KCNK2: variants seen among roughly 807,000 people sequenced by gnomAD.
KCNK2 encodes potassium channel subfamily K member 2.
A neutral mutation model predicts 40.5 loss-of-function variants in KCNK2; 21 were observed. The observed-to-expected ratio is 0.52, with a 90% CI of 0.37 to 0.75. The LOEUF is 0.75. Ranked by LOEUF, KCNK2 falls within the 30% of genes least tolerant of loss-of-function variation. KCNK2 has a pLI of 0.00. For synonymous variants in KCNK2, 191 were observed against 202.2 expected, an observed-to-expected ratio of 0.94 and a Z score of 0.47; for missense variants, 399 against 531.6, an observed-to-expected ratio of 0.75 and a Z score of 2.45.
intron 3 of KCNK2, among the ~76,000 whole-genome samples, chr1:215,165,399 G>A (rs889922780): frequency 6.6e-6 from 1 of 152,080 alleles, no homozygotes; most frequent in Admixed American, 6.6e-5. Flanking sequence ...ATAAAGAATG[G>A]CATCTATAAT....
intron 3 of KCNK2, among the ~76,000 whole-genome samples, chr1:215,133,619 TTC>T (rs1661767049): frequency 6.9e-6 from 1 of 145,680 alleles, no homozygotes; most frequent in African/African-American, 2.8e-5. Context: ...TTCTTCCTAA[TTC>T]TTTTTTTTTT....
chr1:215,005,955 TGTGA>T lies in KCNK2; in HGVS notation c.34+3_34+6del, dbSNP rs778508659. The T allele has an allele frequency of 6.8e-6, 11 of 1,611,948 alleles. No individual in the cohort carries two copies. Among genetic ancestry groups the T allele is most frequent in the Non-Finnish European group, 9.3e-6 (11 of 1,178,180 alleles). On this transcript the variant is annotated splice_donor_variant and splice_donor_region_variant and intron_variant, in intron 1 of 6. Transcript: ENST00000391895. LOFTEE classifies it high-confidence loss of function. Reference sequence around the variant, plus strand: ...CCCACGAGCAAAAAGGGATTTCTACTGTGAGTATCTTTGCAATAATCAAGTACCT... The same window carrying T: ...CCCACGAGCAAAAAGGGATTTCTACTGTATCTTTGCAATAATCAAGTACCT...
intron 5 of KCNK2, among the ~76,000 whole-genome samples, chr1:215,182,379 T>A (rs980492433): frequency 2.0e-4 from 31 of 152,046 alleles, no homozygotes; most frequent in Non-Finnish European, 4.1e-4. Flanking sequence ...ATTGGGAAGC[T>A]TAGGCTGCTG....
chr1:215,224,100 G>T (rs1165906582), intron 6 of KCNK2, among the ~76,000 whole-genome samples: 1 of 152,138 alleles, frequency 6.6e-6, no homozygotes. Flanking sequence ...AAAATGAAAC[G>T]ATGTCTAATC....
At chr1:215,076,937 G>A (rs995040816) in intron 1 of KCNK2, among the ~76,000 whole-genome samples, 1 of 152,254 alleles carries the variant, frequency 6.6e-6, no homozygotes, top group Non-Finnish European at 1.5e-5. Flanking sequence ...GGTGTGGTTT[G>A]ACATGGAGGA....
intron 1 of KCNK2, among the ~76,000 whole-genome samples, chr1:215,010,295 C>G (rs548093458): frequency 6.6e-6 from 1 of 152,266 alleles, no homozygotes; most frequent in Non-Finnish European, 1.5e-5. Flanking sequence ...TTGCAATATT[C>G]TTTTAGTTCA....
At chr1:215,121,245 G>T (rs1271644672) in intron 2 of KCNK2, among the ~76,000 whole-genome samples, 1 of 152,042 alleles carries the variant, frequency 6.6e-6, no homozygotes, top group Non-Finnish European at 1.5e-5. Flanking sequence ...TTCAAAATGT[G>T]GTCCTCAAGA....
intron 6 of KCNK2, among the ~76,000 whole-genome samples, chr1:215,200,736 A>T (rs72735375): frequency 1.4e-4 from 22 of 152,296 alleles, no homozygotes; most frequent in Non-Finnish European, 3.2e-4. Flanking sequence ...TTTCAAACAT[A>T]TTTGGGGGAT....
At chr1:215,139,053 A>G (rs913466553) in intron 3 of KCNK2, among the ~76,000 whole-genome samples, 1 of 152,214 alleles carries the variant, frequency 6.6e-6, no homozygotes, top group Non-Finnish European at 1.5e-5. Context: ...AAAATAAAAT[A>G]CTATATGCTT....
chr1:215,201,717 C>A (rs898947512), intron 6 of KCNK2, among the ~76,000 whole-genome samples: 1 of 152,044 alleles, frequency 6.6e-6, no homozygotes. Context: ...GGGAGGATTG[C>A]GTAGGTGGTG....
Position 215,063,489 on chromosome 1 carries a change from C to G in KCNK2, c.35-22879C>G, listed in dbSNP as rs1167739702. On this transcript the variant is annotated intron_variant, in intron 1 of 6. Coordinates refer to the KCNK2 transcript ENST00000391895. Reference sequence around the variant, plus strand: ...TCTCCATGAATGCTTGCATTTTGGACTTTCTACTCAACATATCATGATTAC... The same window carrying G: ...TCTCCATGAATGCTTGCATTTTGGAGTTTCTACTCAACATATCATGATTAC... Among the ~76,000 whole-genome samples, 4 of 152,310 alleles carry G rather than the reference C, an allele frequency of 2.6e-5. No homozygotes were observed. The South Asian group carries it at 8.3e-4, about 32-fold the overall frequency.
intron 6 of KCNK2, among the ~76,000 whole-genome samples, chr1:215,230,431 A>T (rs1051453519): frequency 6.8e-6 from 1 of 146,894 alleles, no homozygotes; most frequent in Non-Finnish European, 1.5e-5. Context: ...TCACTGCTGT[A>T]TATGCAGACC....
intron 3 of KCNK2, among the ~76,000 whole-genome samples, chr1:215,155,863 T>C (rs1412895797): frequency 6.6e-6 from 1 of 152,200 alleles, no homozygotes; most frequent in East Asian, 1.9e-4. Context: ...ACACTGTATT[T>C]CACTAAGTTT....
chr1:215,025,887 G>A (rs1254749710), intron 1 of KCNK2, among the ~76,000 whole-genome samples: 1 of 152,010 alleles, frequency 6.6e-6, no homozygotes, highest in Non-Finnish European at 1.5e-5. Context: ...GGATTGCTTG[G>A]TCAAAAGGTT....
At chr1:215,193,606 A>G (rs894123158) in intron 5 of KCNK2, among the ~76,000 whole-genome samples, 17 of 152,046 alleles carry the variant, frequency 1.1e-4, no homozygotes, top group Non-Finnish European at 2.4e-4. Flanking sequence ...TATCTCAGAC[A>G]CAATAATTTC....
intron 6 of KCNK2, among the ~76,000 whole-genome samples, chr1:215,203,974 C>T (rs1009855804): frequency 1.4e-4 from 17 of 120,456 alleles, no homozygotes; most frequent in Middle Eastern, 0.016. Flanking sequence ...GGAGGTGGAG[C>T]TTGCAGTGAG....
At chr1:215,072,174 C>T (rs1470133293) in intron 1 of KCNK2, among the ~76,000 whole-genome samples, 3 of 152,090 alleles carry the variant, frequency 2.0e-5, no homozygotes, top group African/African-American at 4.8e-5. Context: ...ATTTTATTGT[C>T]GGTGTGATCT....
intron 6 of KCNK2, among the ~76,000 whole-genome samples, chr1:215,209,270 A>G (rs996900022): frequency 8.6e-6 from 1 of 116,368 alleles, no homozygotes; most frequent in African/African-American, 3.6e-5. Context: ...TATAAAATAT[A>G]TAAATATACA....
chr1:215,210,240 C>G (rs1043741866), intron 6 of KCNK2, among the ~76,000 whole-genome samples: 2 of 150,730 alleles, frequency 1.3e-5, no homozygotes, highest in African/African-American at 4.9e-5. Context: ...TGTGTCATTT[C>G]TACCACACTT....
Sources: allele counts gnomAD v4.1 joint callset (sites outside exome capture counted in the v4.1 genomes callset), GRCh38; gene constraint gnomAD v4.1.1; transcripts MANE v1.5; gene names NCBI Gene and HGNC (gene_info 2026-07-23, HGNC 2026-07-21).